The following PTPN9 variants were observed in gnomAD, a reference collection of about 807,000 sequenced individuals.
PTPN9 encodes the protein tyrosine-protein phosphatase non-receptor type 9.
Under a neutral mutation model 69.8 loss-of-function variants are expected in PTPN9, and 26 were observed. The ratio of observed to expected loss-of-function variants is 0.37; its 90% CI spans 0.27 to 0.52. The LOEUF (loss-of-function observed/expected upper bound fraction) is 0.52, where lower values mean the gene tolerates loss of function less well. Among genes scored for constraint, PTPN9 ranks in the 20% least tolerant of loss-of-function variants. The pLI, the probability that PTPN9 is intolerant of heterozygous loss-of-function variation, is 0.91. For missense variants in PTPN9, 549 were observed against 740.3 expected (o/e 0.74, Z 3.00); for synonymous variants, 274 against 272.5 (o/e 1.01, Z -0.05).
At chr15:75,530,075 G>A (rs935143434) in intron 1 of PTPN9, among the ~76,000 whole-genome samples, 40 of 151,280 alleles carry the variant, frequency 2.6e-4, no homozygotes, top group African/African-American at 9.0e-4. Flanking sequence ...GGTGGCATGC[G>A]CCTGTGCTCC....
chr15:75,558,198 T>C lies in PTPN9; in HGVS notation c.63+20516A>G, dbSNP rs546187405. On this transcript the variant is annotated intron_variant, in intron 1 of 12. Coordinates refer to ENST00000618819, the MANE Select transcript of PTPN9 (RefSeq NM_002833.4). Reference sequence around the variant, plus strand: ...CAAAAATTAGCTGGGCGTGGTTGCTTGCACCTGTAGTGCCAGCTACTCAGG... The same window carrying C: ...CAAAAATTAGCTGGGCGTGGTTGCTCGCACCTGTAGTGCCAGCTACTCAGG... Among the ~76,000 whole-genome samples, 889 of 152,094 alleles carry C rather than the reference T, an allele frequency of 5.8e-3. 2 individuals carry two copies. Among genetic ancestry groups the C allele is most frequent in the South Asian group, 0.021 (99 of 4,818 alleles).
At chr15:75,574,814 C>T (rs1438958982) in intron 1 of PTPN9, among the ~76,000 whole-genome samples, 3 of 149,774 alleles carry the variant, frequency 2.0e-5, no homozygotes, top group Non-Finnish European at 4.4e-5. Context: ...TGGTGGCGGG[C>T]GCCTGTAATC....
intron 7 of PTPN9, among the ~76,000 whole-genome samples, chr15:75,499,920 G>C (rs1013854923): frequency 3.3e-5 from 5 of 152,146 alleles, no homozygotes; most frequent in Admixed American, 3.3e-4. Flanking sequence ...GCTCATGCCT[G>C]TAATCCCAGC....
intron 7 of PTPN9, among the ~76,000 whole-genome samples, chr15:75,503,517 C>T (rs1271571392): frequency 5.2e-5 from 7 of 134,614 alleles, no homozygotes; most frequent in African/African-American, 1.7e-4. Context: ...CGTCTCCGCC[C>T]GGCAGCCGCC....
At chr15:75,518,214 C>T (rs111662816) in intron 4 of PTPN9, among the ~76,000 whole-genome samples, 53 of 151,678 alleles carry the variant, frequency 3.5e-4, no homozygotes, top group African/African-American at 1.3e-3. Context: ...ATGTAGTGAC[C>T]TATAGTCTCA....
chr15:75,528,391 T>C (rs2074940336), intron 1 of PTPN9, among the ~76,000 whole-genome samples: 1 of 152,050 alleles, frequency 6.6e-6, no homozygotes, highest in African/African-American at 2.4e-5. Context: ...ATTTTTTTTT[T>C]TCTTTTTTTG....
intron 1 of PTPN9, 110 bp downstream of exon 1, chr15:75,578,604 C>T: frequency 1.1e-6 from 1 of 913,474 alleles, no homozygotes; most frequent in Non-Finnish European, 1.4e-6. Flanking sequence ...GGCACGGGAG[C>T]GGGGGGCTGC....
chr15:75,558,583 A>C (rs1260533772), intron 1 of PTPN9, among the ~76,000 whole-genome samples: 1 of 151,960 alleles, frequency 6.6e-6, no homozygotes, highest in Non-Finnish European at 1.5e-5. Context: ...CGCCGAGCCG[A>C]AGCTGGACTG....
At chr15:75,519,068 G>A (rs942921427) in intron 4 of PTPN9, among the ~76,000 whole-genome samples, 1 of 152,158 alleles carries the variant, frequency 6.6e-6, no homozygotes, top group East Asian at 1.9e-4. Flanking sequence ...TTGAGAAAAT[G>A]TTTGGCACAA....
chr15:75,481,083 C>T (rs1416534725), intron 8 of PTPN9, among the ~76,000 whole-genome samples: 5 of 62,158 alleles, frequency 8.0e-5, no homozygotes, highest in Admixed American at 4.9e-4. Flanking sequence ...TCTGCCCGGC[C>T]GCCCATCGTC....
intron 9 of PTPN9, among the ~76,000 whole-genome samples, chr15:75,477,833 C>CTTTTTTTTTTTT (rs1196645006): frequency 1.1e-5 from 1 of 91,798 alleles, no homozygotes; most frequent in South Asian, 4.6e-4. Flanking sequence ...ATCAGATACT[C>CTTTTTTTTTTTT]TTTTTTTTTT....
chr15:75,571,860 G>C (rs1014273775), intron 1 of PTPN9, among the ~76,000 whole-genome samples: 11 of 152,030 alleles, frequency 7.2e-5, no homozygotes, highest in African/African-American at 2.7e-4. Flanking sequence ...CCTGGTGACA[G>C]AGCAAGACTC....
intron 8 of PTPN9, among the ~76,000 whole-genome samples, chr15:75,481,128 A>C (rs2074630910): frequency 2.0e-5 from 1 of 49,182 alleles, no homozygotes; most frequent in East Asian, 6.0e-4. Context: ...CCGCCGCCCC[A>C]TCTGGGATGT....
rs913416840 is a variant in PTPN9 at position 75,465,100 on chromosome 15, T to TTTTA, written c.*3665_*3668dup. 1 of 152,184 alleles carries TTTTA rather than the reference T, an allele frequency of 6.6e-6. No homozygotes were observed. The highest frequency in any genetic ancestry group is 2.4e-5 in the African/African-American group (1 of 41,446). 9.4% of individuals were successfully genotyped at this position (152,184 alleles called of 1,614,324 possible). A position where few individuals can be genotyped will look rare whatever the true frequency, so the allele number is the denominator to read the frequency against. ...TTCTTTCCTGAACACTGTCTTTCTT[T>TTTTA]TTTATTTATTTATTTTTTTTGAGAT... is the stretch of plus-strand genomic sequence containing the variant. On this transcript the variant is annotated 3_prime_UTR_variant, in exon 13 of 13. Transcript: ENST00000618819.
At chr15:75,483,009 C>T (rs956783170) in intron 8 of PTPN9, among the ~76,000 whole-genome samples, 3 of 151,886 alleles carry the variant, frequency 2.0e-5, no homozygotes, top group African/African-American at 7.3e-5. Flanking sequence ...AAATCCATAC[C>T]ACGAGATACT....
intron 5 of PTPN9, among the ~76,000 whole-genome samples, chr15:75,514,763 CAGA>C (rs781618510): frequency 2.0e-5 from 3 of 151,998 alleles, no homozygotes; most frequent in Non-Finnish European, 2.9e-5. Flanking sequence ...AGACATTTCA[CAGA>C]AGAAGAAAAA....
intron 7 of PTPN9, among the ~76,000 whole-genome samples, chr15:75,503,578 C>T (rs1194524524): frequency 7.2e-5 from 10 of 138,214 alleles, no homozygotes; most frequent in Admixed American, 2.1e-4. Context: ...CCAGCCGCTC[C>T]GTCCGGGAGG....
At chr15:75,568,622 C>T (rs2075136427) in intron 1 of PTPN9, among the ~76,000 whole-genome samples, 3 of 150,710 alleles carry the variant, frequency 2.0e-5, no homozygotes, top group Non-Finnish European at 4.4e-5. Flanking sequence ...ACTGCTTGAA[C>T]ACAAGAGTTC....
chr15:75,577,761 GTTTATT>G (rs2075180227), intron 1 of PTPN9, among the ~76,000 whole-genome samples: 1 of 152,070 alleles, frequency 6.6e-6, no homozygotes, highest in Admixed American at 6.6e-5. Flanking sequence ...CTTTTTTCAT[GTTTATT>G]TTTATTTTTT....
Sources: allele counts gnomAD v4.1 joint callset (sites outside exome capture counted in the v4.1 genomes callset), GRCh38; gene constraint gnomAD v4.1.1; transcripts MANE v1.5; gene names NCBI Gene and HGNC (gene_info 2026-07-23, HGNC 2026-07-21).